The following SKIC3 variants were observed in gnomAD, a reference collection of about 807,000 sequenced individuals.
SKIC3 encodes the protein superkiller complex protein 3.
the SKIC3 span, among the ~76,000 whole-genome samples, chr5:95,531,869 T>A: frequency 6.6e-6 from 1 of 152,278 alleles, no homozygotes; most frequent in Non-Finnish European, 1.5e-5. Flanking sequence ...CAGACCAGCA[T>A]GGCATCTGAT....
At chr5:95,550,062 T>G in the SKIC3 span, among the ~76,000 whole-genome samples, 1 of 151,948 alleles carries the variant, frequency 6.6e-6, no homozygotes, top group African/African-American at 2.4e-5. Context: ...CTCCCACTAT[T>G]CTCCTCAATC....
chr5:95,472,027 C>A, the SKIC3 span, among the ~76,000 whole-genome samples: 1 of 152,208 alleles, frequency 6.6e-6, no homozygotes, highest in African/African-American at 2.4e-5. Context: ...TGCTCATCTG[C>A]AGTTCCACTA....
chr5:95,470,199 C>T, the SKIC3 span, among the ~76,000 whole-genome samples: 13 of 151,980 alleles, frequency 8.6e-5, no homozygotes, highest in Non-Finnish European at 1.3e-4. Context: ...AGGATGGTCT[C>T]GATCTCCTGA....
At chr5:95,532,758 C>T in the SKIC3 span, among the ~76,000 whole-genome samples, 93 of 152,122 alleles carry the variant, frequency 6.1e-4, no homozygotes, top group African/African-American at 1.2e-3. Context: ...TTCTCAAAAA[C>T]GCAAGCCAGA....
chr5:95,538,156 G>A, the SKIC3 span, among the ~76,000 whole-genome samples: 3 of 152,164 alleles, frequency 2.0e-5, no homozygotes, highest in Non-Finnish European at 4.4e-5. Context: ...TGTCATGGAG[G>A]AGGGTGGGAT....
At chr5:95,468,892 T>C in the SKIC3 span, among the ~76,000 whole-genome samples, 1 of 152,156 alleles carries the variant, frequency 6.6e-6, no homozygotes, top group Non-Finnish European at 1.5e-5. Context: ...CATTAGGAAG[T>C]TTAAATTATA....
At chr5:95,496,394 A>T in the SKIC3 span, among the ~76,000 whole-genome samples, 1 of 152,160 alleles carries the variant, frequency 6.6e-6, no homozygotes, top group Non-Finnish European at 1.5e-5. Flanking sequence ...CCAGGTTAAC[A>T]CAAGGAGGGG....
the SKIC3 span, chr5:95,469,638 G>T: frequency 8.6e-7 from 1 of 1,156,318 alleles, no homozygotes; most frequent in Non-Finnish European, 1.3e-6. Context: ...TTCCAAAGTA[G>T]ATACAGATAT....
the SKIC3 span, among the ~76,000 whole-genome samples, chr5:95,491,257 T>C: frequency 6.6e-6 from 1 of 152,188 alleles, no homozygotes; most frequent in East Asian, 1.9e-4. Context: ...CAGAGGATGA[T>C]AAACATCCTA....
At chr5:95,518,787 CTT>C in the SKIC3 span, among the ~76,000 whole-genome samples, 1 of 151,950 alleles carries the variant, frequency 6.6e-6, no homozygotes, top group African/African-American at 2.4e-5. Context: ...ACAGATGTCT[CTT>C]TGATATAATG....
At chr5:95,479,733 C>T in the SKIC3 span, among the ~76,000 whole-genome samples, 1 of 148,982 alleles carries the variant, frequency 6.7e-6, no homozygotes, top group Non-Finnish European at 1.5e-5. Flanking sequence ...TTACTATTTG[C>T]GGTTTCAGGC....
At chr5:95,526,933 C>T in the SKIC3 span, among the ~76,000 whole-genome samples, 1 of 152,174 alleles carries the variant, frequency 6.6e-6, no homozygotes, top group Non-Finnish European at 1.5e-5. Flanking sequence ...AGGAATGATT[C>T]AGATAAAGGC....
At chr5:95,485,900 G>C in the SKIC3 span, among the ~76,000 whole-genome samples, 1 of 152,138 alleles carries the variant, frequency 6.6e-6, no homozygotes, top group African/African-American at 2.4e-5. Context: ...GAAGGAGAGG[G>C]GAGTGAGGTC....
chr5:95,548,232 G>A, the SKIC3 span, among the ~76,000 whole-genome samples: 1 of 151,932 alleles, frequency 6.6e-6, no homozygotes, highest in African/African-American at 2.4e-5. Flanking sequence ...GTATTTATAG[G>A]CTTCAGATGC....
At chr5:95,524,262 G>A in the SKIC3 span, among the ~76,000 whole-genome samples, 1 of 152,044 alleles carries the variant, frequency 6.6e-6, no homozygotes, top group African/African-American at 2.4e-5. Context: ...TACAACACAT[G>A]CTTTTCAAAA....
At chr5:95,467,729 T>A in the SKIC3 span, 2 of 1,257,246 alleles carry the variant, frequency 1.6e-6, no homozygotes, top group Non-Finnish European at 2.2e-6. Flanking sequence ...GCCAAAAAAT[T>A]ACACACTCAG....
chr5:95,532,695 T>A, the SKIC3 span, among the ~76,000 whole-genome samples: 1 of 152,146 alleles, frequency 6.6e-6, no homozygotes, highest in Non-Finnish European at 1.5e-5. Flanking sequence ...TTTAAAGGAT[T>A]CTAAGGTTCC....
the SKIC3 span, chr5:95,469,855 G>C: frequency 1.2e-6 from 2 of 1,614,144 alleles, no homozygotes; most frequent in African/African-American, 1.3e-5. Context: ...AAGCTTCAAG[G>C]CCTCAGTTGT....
chr5:95,535,437 A>T, the SKIC3 span, among the ~76,000 whole-genome samples: 2 of 149,890 alleles, frequency 1.3e-5, no homozygotes, highest in Non-Finnish European at 2.9e-5. Flanking sequence ...CAGCCTCCTG[A>T]GTAGCTGGGA....
Sources: gnomAD v4.1 joint callset for allele counts (sites outside exome capture counted in the v4.1 genomes callset) on GRCh38, gnomAD v4.1.1 for gene constraint, MANE v1.5 for transcripts, NCBI Gene and HGNC (gene_info 2026-07-23, HGNC 2026-07-21) for gene names.